KALRN: variants seen among roughly 807,000 people sequenced by gnomAD.
The protein encoded by KALRN is kalirin.
A neutral mutation model predicts 353.7 loss-of-function variants in KALRN; 70 were observed. The observed-to-expected ratio is 0.20, with a 90% CI of 0.16 to 0.24. The LOEUF (loss-of-function observed/expected upper bound fraction) is 0.24, where lower values mean the gene tolerates loss of function less well. KALRN is among the 10% of genes least tolerant of loss of function. The probability of loss-of-function intolerance (pLI) is 1.00; values close to 1 mark genes in which losing one functional copy is unlikely to be tolerated. For missense variants in KALRN, 2,791 were observed against 3,756.7 expected, an observed-to-expected ratio of 0.74 and a Z score of 6.72; for synonymous variants, 1,391 against 1,434.8, an observed-to-expected ratio of 0.97 and a Z score of 0.69.
chr3:124,120,389 TA>T (rs2063858944), intron 1 of KALRN, among the ~76,000 whole-genome samples: 1 of 152,162 alleles, frequency 6.6e-6, no homozygotes, highest in Non-Finnish European at 1.5e-5. Flanking sequence ...ACAGATGAAA[TA>T]TGACTTTATT....
At chr3:124,148,958 ATGCCAATAAC>A (rs1439376804) in intron 1 of KALRN, among the ~76,000 whole-genome samples, 1 of 152,238 alleles carries the variant, frequency 6.6e-6, no homozygotes, top group Admixed American at 6.5e-5. Flanking sequence ...TGCCTACTAT[ATGCCAATAAC>A]TTTATATTAT....
chr3:124,658,158 G>GA (rs1450972258), intron 41 of KALRN, among the ~76,000 whole-genome samples: 7 of 151,886 alleles, frequency 4.6e-5, no homozygotes, highest in African/African-American at 7.2e-5. Flanking sequence ...CCCTGTCTCA[G>GA]AAAAAAAAGT....
intron 34 of KALRN, among the ~76,000 whole-genome samples, chr3:124,586,870 TC>T (rs2075245384): frequency 6.6e-6 from 1 of 152,076 alleles, no homozygotes; most frequent in African/African-American, 2.4e-5. Context: ...CAAAGAAAAC[TC>T]CTGCCTGTGG....
chr3:124,431,585 A>G (rs565593266), intron 16 of KALRN, among the ~76,000 whole-genome samples: 2 of 152,202 alleles, frequency 1.3e-5, no homozygotes, highest in African/African-American at 2.4e-5. Flanking sequence ...TTAATTACCA[A>G]TGGGAAAAGA....
Position 124,322,532 on chromosome 3 carries a change from G to A in KALRN, c.1093-3448G>A, listed in dbSNP as rs72976576. ...AGAGAGTGGAGGGGGCAGCTGGTAGGAAATGGGAAAGCTGTAAAGAGCCAA... is the reference window on the plus strand; with the variant it reads ...AGAGAGTGGAGGGGGCAGCTGGTAGAAAATGGGAAAGCTGTAAAGAGCCAA... On this transcript the variant is annotated intron_variant, in intron 6 of 59. Coordinates refer to ENST00000682506, the MANE Select transcript of KALRN (RefSeq NM_001388419.1). Among the ~76,000 whole-genome samples, 644 of 152,262 alleles carry A rather than the reference G, an allele frequency of 4.2e-3. 4 individuals are homozygous for A. The highest frequency in any genetic ancestry group is 0.015 in the African/African-American group (604 of 41,542).
At chr3:124,519,598 T>C in intron 33 of KALRN, 2 of 985,398 alleles carry the variant, frequency 2.0e-6, no homozygotes, top group Non-Finnish European at 2.4e-6. Context: ...AAGTTTACAC[T>C]TCTATGTATC....
At chr3:124,244,340 C>T (rs867479348) in intron 3 of KALRN, among the ~76,000 whole-genome samples, 4 of 152,094 alleles carry the variant, frequency 2.6e-5, no homozygotes, top group South Asian at 2.1e-4. Context: ...TTGGTTCAAG[C>T]GATCCTCTTG....
chr3:124,177,401 G>A (rs1372531803), intron 1 of KALRN, among the ~76,000 whole-genome samples: 1 of 152,160 alleles, frequency 6.6e-6, no homozygotes, highest in Non-Finnish European at 1.5e-5. Flanking sequence ...AAAACAGCAA[G>A]TCTTTTCAGT....
chr3:124,541,074 T>C (rs954739059), intron 33 of KALRN, among the ~76,000 whole-genome samples: 5 of 152,144 alleles, frequency 3.3e-5, no homozygotes, highest in Non-Finnish European at 7.4e-5. Context: ...ATATAAGCCG[T>C]CTTTGGCGAC....
intron 44 of KALRN, 29 bp from the exon 45 acceptor site, chr3:124,661,803 GCCTGAGTGCTGTTCCCCCT>G: frequency 1.4e-6 from 2 of 1,439,716 alleles, no homozygotes; most frequent in South Asian, 2.3e-5. Flanking sequence ...AGAGCTTCCT[GCCTGAGTGCTGTTCCCCCT>G]CCTGAGTAAC....
intron 33 of KALRN, among the ~76,000 whole-genome samples, chr3:124,525,498 G>A (rs964716898): frequency 6.6e-6 from 1 of 152,140 alleles, no homozygotes; most frequent in Non-Finnish European, 1.5e-5. Context: ...AATAATTGAT[G>A]TAGAAAGAGA....
At chr3:124,684,016 G>A (rs1452340577) in intron 51 of KALRN, among the ~76,000 whole-genome samples, 1 of 152,070 alleles carries the variant, frequency 6.6e-6, no homozygotes, top group Non-Finnish European at 1.5e-5. Flanking sequence ...TGGTTCAATG[G>A]CATTAAGTCC....
At position 124,298,787 on chromosome 3, in the gene KALRN, C is replaced by G. The variant is rs766445858; in HGVS notation, c.970-4C>G. ...ATTATGCTGTGCCTTCTTGTCCTCT[C>G]TAGATGTTTGACTGGATAAGCCACA... is the stretch of plus-strand genomic sequence containing the variant. On this transcript the variant is annotated splice_region_variant and splice_polypyrimidine_tract_variant and intron_variant, in intron 5 of 59. Transcript: ENST00000682506. 26 of 1,614,038 alleles carry G rather than the reference C, an allele frequency of 1.6e-5. No homozygotes were observed. Among genetic ancestry groups the G allele is most frequent in the Non-Finnish European group, 4.2e-6 (5 of 1,180,000 alleles).
chr3:124,083,873 CTGTCTT>C (rs1305245326), intron 1 of KALRN, among the ~76,000 whole-genome samples: 3 of 152,238 alleles, frequency 2.0e-5, no homozygotes, highest in Non-Finnish European at 4.4e-5. Flanking sequence ...ATTGTTGACT[CTGTCTT>C]TGTCAGGCAG....
chr3:124,459,235 G>A (rs1258073150), intron 23 of KALRN, among the ~76,000 whole-genome samples: 1 of 152,170 alleles, frequency 6.6e-6, no homozygotes, highest in Admixed American at 6.5e-5. Flanking sequence ...ATGTTAGAAT[G>A]TAAAGCTGCC....
chr3:124,655,575 C>T, intron 38 of KALRN, 26 bp from the exon 39 acceptor site: 2 of 1,590,210 alleles, frequency 1.3e-6, no homozygotes, highest in Non-Finnish European at 1.7e-6. Flanking sequence ...AAGAGGAACA[C>T]TCACTGTTCT....
intron 3 of KALRN, among the ~76,000 whole-genome samples, chr3:124,253,128 A>C (rs1412446905): frequency 6.6e-6 from 1 of 152,228 alleles, no homozygotes; most frequent in East Asian, 1.9e-4. Flanking sequence ...GTACAGAGGC[A>C]GTTAGAATAG....
At chr3:124,628,337 C>CT in intron 34 of KALRN, among the ~76,000 whole-genome samples, 4 of 11,654 alleles carry the variant, frequency 3.4e-4, no homozygotes, top group African/African-American at 1.2e-3. Context: ...CCCTCCCTCC[C>CT]TCCTTCCTTC....
intron 1 of KALRN, among the ~76,000 whole-genome samples, chr3:124,108,584 C>T (rs1467213671): frequency 6.6e-6 from 1 of 152,112 alleles, no homozygotes; most frequent in Non-Finnish European, 1.5e-5. Flanking sequence ...TATTTCATTT[C>T]CAAGTGGAAG....
Sources: allele counts gnomAD v4.1 joint callset (sites outside exome capture counted in the v4.1 genomes callset), GRCh38; gene constraint gnomAD v4.1.1; transcripts MANE v1.5; gene names NCBI Gene and HGNC (gene_info 2026-07-23, HGNC 2026-07-21).